The following CEP162 variants were observed in gnomAD, a reference collection of about 807,000 sequenced individuals.
CEP162 encodes centrosomal protein 162, also known as centrosomal protein of 162 kDa.
CEP162 carries 141 observed loss-of-function variants against 169.2 expected under a neutral mutation model. The observed-to-expected ratio is 0.83, with a 90% CI of 0.73 to 0.96. CEP162 has a LOEUF of 0.96. CEP162 is among the 40% of genes least tolerant of loss of function. The pLI is 0.00. For synonymous variants in CEP162, 540 were observed against 526.4 expected (o/e 1.03, Z -0.35); for missense variants, 1,600 against 1,587.2 (o/e 1.01, Z -0.14).
Position 84,146,698 on chromosome 6 carries a change from GA to G in CEP162, c.3858del (p.Leu1287TyrfsTer9), listed in dbSNP as rs754959427. 1 of 1,553,760 alleles carries G rather than the reference GA, an allele frequency of 6.4e-7. No individual in the cohort carries two copies. The highest frequency in any genetic ancestry group is 1.4e-5 in the African/African-American group (1 of 73,440). ...TGGCCATTTCTTACCTCTTTCTGTA[GA>G]ATTTCTTCTCGAACTTCAGAAACTA... ...SLVVSEVREEILQKEITKLLE... is the reference protein window; with the variant it reads ...SLVVSEVREEXLQKEITKLLE... On this transcript the variant is annotated frameshift_variant, in exon 25 of 27. Coordinates refer to ENST00000403245, the MANE Select transcript of CEP162 (RefSeq NM_014895.4). LOFTEE classifies it high-confidence loss of function.
intron 18 of CEP162, among the ~76,000 whole-genome samples, chr6:84,164,248 G>A (rs2099526892): frequency 6.6e-6 from 1 of 152,176 alleles, no homozygotes; most frequent in African/African-American, 2.4e-5. Flanking sequence ...TACACTGTTG[G>A]TGGGAGCGTA....
chr6:84,183,671 T>C (rs2099535867), intron 13 of CEP162, among the ~76,000 whole-genome samples: 1 of 152,164 alleles, frequency 6.6e-6, no homozygotes, highest in Non-Finnish European at 1.5e-5. Context: ...TCAACCATTT[T>C]AATCACTTTT....
intron 3 of CEP162, chr6:84,217,896 T>C (rs1377096815): frequency 1.3e-5 from 2 of 152,138 alleles, no homozygotes; most frequent in Non-Finnish European, 2.9e-5. Context: ...GGTGGTCTGA[T>C]AGCAAGGTTC....
intron 11 of CEP162, among the ~76,000 whole-genome samples, chr6:84,189,242 C>G (rs928264432): frequency 6.6e-6 from 1 of 152,156 alleles, no homozygotes; most frequent in Admixed American, 6.5e-5. Context: ...CTCGGCACCT[C>G]CCCTGCCTGG....
chr6:84,176,375 G>A (rs1465157910), intron 13 of CEP162, among the ~76,000 whole-genome samples: 1 of 152,136 alleles, frequency 6.6e-6, no homozygotes, highest in Non-Finnish European at 1.5e-5. Context: ...TAATTAGACC[G>A]ATGTAAGTTT....
chr6:84,215,275 A>G lies in CEP162; in HGVS notation c.503+7T>C. 1.3e-6 allele frequency: 2 copies of G among 1,488,756 alleles called. No homozygotes were observed. Among genetic ancestry groups the G allele is most frequent in the Non-Finnish European group, 1.8e-6 (2 of 1,084,834 alleles). 92.2% of individuals were successfully genotyped at this position (1,488,756 alleles called of 1,614,324 possible). A position where few individuals can be genotyped will look rare whatever the true frequency, so the allele number is the denominator to read the frequency against. On this transcript the variant is annotated splice_region_variant and intron_variant, in intron 5 of 26. Transcript: ENST00000403245. Reference sequence around the variant, plus strand: ...AAAAATCATTAATAGTTTACACTGTACTTTACCTATGTAAAGCTTTAAAAT... The same window carrying G: ...AAAAATCATTAATAGTTTACACTGTGCTTTACCTATGTAAAGCTTTAAAAT...
intron 25 of CEP162, among the ~76,000 whole-genome samples, chr6:84,138,300 G>C (rs73483297): frequency 0.028 from 4,208 of 152,292 alleles, 214 homozygotes; most frequent in African/African-American, 0.096. Context: ...TGTGATTTCT[G>C]GGAGAAGGGA....
At chr6:84,195,243 A>G (rs1202130852) in intron 9 of CEP162, among the ~76,000 whole-genome samples, 168 bp from the exon 10 acceptor site, 1 of 152,216 alleles carries the variant, frequency 6.6e-6, no homozygotes, top group Non-Finnish European at 1.5e-5. Flanking sequence ...CAGGCTCAAC[A>G]ACTCTTTTAG....
intron 2 of CEP162, among the ~76,000 whole-genome samples, chr6:84,224,474 T>C (rs1278912112): frequency 6.6e-6 from 1 of 152,204 alleles, no homozygotes; most frequent in Admixed American, 6.5e-5. Flanking sequence ...GTGGTGATGG[T>C]TACATAACTC....
intron 11 of CEP162, among the ~76,000 whole-genome samples, chr6:84,187,307 T>C (rs989536746): frequency 8.5e-5 from 13 of 152,232 alleles, no homozygotes; most frequent in Non-Finnish European, 1.6e-4. Flanking sequence ...ATATGGGAAC[T>C]GTTAGTCTTA....
At chr6:84,196,409 T>A (rs2099542159) in intron 9 of CEP162, among the ~76,000 whole-genome samples, 1 of 152,240 alleles carries the variant, frequency 6.6e-6, no homozygotes, top group South Asian at 2.1e-4. Flanking sequence ...TTACTTAGTC[T>A]TGGGTATGTC....
At chr6:84,207,211 T>C (rs1359590012) in intron 6 of CEP162, among the ~76,000 whole-genome samples, 4 of 152,200 alleles carry the variant, frequency 2.6e-5, no homozygotes, top group Non-Finnish European at 5.9e-5. Flanking sequence ...AGCGATCCCA[T>C]TACTGGGTAT....
chr6:84,125,998 C>T (rs2099508800), intron 26 of CEP162, among the ~76,000 whole-genome samples: 1 of 152,068 alleles, frequency 6.6e-6, no homozygotes, highest in African/African-American at 2.4e-5. Context: ...AGTAATATTA[C>T]TAGTGCTAGC....
chr6:84,209,540 A>G (rs2099548637), intron 6 of CEP162, among the ~76,000 whole-genome samples: 1 of 151,628 alleles, frequency 6.6e-6, no homozygotes, highest in Admixed American at 6.6e-5. Context: ...ACGCCCGGCT[A>G]ATTTTTTGTA....
chr6:84,201,766 T>C lies in CEP162; in HGVS notation c.689A>G (p.Glu230Gly). The C allele has an allele frequency of 7.5e-7, 1 of 1,332,882 alleles. No individual in the cohort carries two copies. The highest frequency in any genetic ancestry group is 1.0e-6 in the Non-Finnish European group (1 of 963,172). 82.6% of individuals were successfully genotyped at this position (1,332,882 alleles called of 1,614,324 possible). ...KSEKISVPKQ[E>G]EEKTGMLANV... The stretch of plus-strand genomic sequence containing the variant: ...AGCAAGCATGCCAGTTTTTTCTTCT[T>C]CCTAAATTAAAAAAGGAAAATGATG... The change falls in exon 8 of 27, where the codon GAA becomes GGA. Residue 230 changes from glutamate to glycine, a missense_variant and splice_region_variant. By Grantham distance (98) the Glu-to-Gly change is moderately conservative. Transcript: ENST00000403245.
At chr6:84,147,158 A>C (rs75947071) in intron 24 of CEP162, among the ~76,000 whole-genome samples, 1 of 152,128 alleles carries the variant, frequency 6.6e-6, no homozygotes, top group African/African-American at 2.4e-5. Flanking sequence ...ATTCAGCCTT[A>C]AATAAGAGGG....
chr6:84,145,692 C>T (rs964877638), intron 25 of CEP162, among the ~76,000 whole-genome samples: 9 of 152,174 alleles, frequency 5.9e-5, no homozygotes, highest in Non-Finnish European at 1.2e-4. Context: ...CATTTAACTG[C>T]CCTTTTCCTG....
At chr6:84,175,813 A>C (rs1306028802) in intron 13 of CEP162, among the ~76,000 whole-genome samples, 1 of 152,176 alleles carries the variant, frequency 6.6e-6, no homozygotes, top group East Asian at 1.9e-4. Context: ...TCATGATATT[A>C]TAGTATCAAT....
intron 22 of CEP162, among the ~76,000 whole-genome samples, chr6:84,155,038 C>T (rs989508326): frequency 1.3e-5 from 2 of 152,056 alleles, no homozygotes; most frequent in African/African-American, 4.8e-5. Flanking sequence ...TTTTTCATGA[C>T]TTAATTTCCA....
Sources: gnomAD v4.1 joint callset for allele counts (sites outside exome capture counted in the v4.1 genomes callset) on GRCh38, gnomAD v4.1.1 for gene constraint, MANE v1.5 for transcripts, NCBI Gene and HGNC (gene_info 2026-07-23, HGNC 2026-07-21) for gene names.